SAMD5: variants seen among roughly 807,000 people sequenced by gnomAD.
The protein encoded by SAMD5 is sterile alpha motif domain containing 5.
A neutral mutation model predicts 11.3 loss-of-function variants in SAMD5; 13 were observed. The ratio of observed to expected loss-of-function variants is 1.15; its 90% CI spans 0.75 to 1.83. The LOEUF (loss-of-function observed/expected upper bound fraction) is 1.83, where lower values mean the gene tolerates loss of function less well. Among genes scored for constraint, SAMD5 ranks in the 40% most tolerant of loss-of-function variants. SAMD5 has a pLI of 0.00. For synonymous variants in SAMD5, 129 were observed against 111.3 expected, an observed-to-expected ratio of 1.16 and a Z score of -1.00; for missense variants, 255 against 239.1, an observed-to-expected ratio of 1.07 and a Z score of -0.44.
At chr6:147,641,332 C>G (rs1239188752) in intron 1 of SAMD5, among the ~76,000 whole-genome samples, 2 of 152,122 alleles carry the variant, frequency 1.3e-5, no homozygotes, top group East Asian at 3.9e-4. Context: ...TGCTGGGGAG[C>G]TCAATTTGGG....
chr6:147,633,485 C>G (rs900407946), intron 1 of SAMD5, among the ~76,000 whole-genome samples: 1 of 152,092 alleles, frequency 6.6e-6, no homozygotes, highest in Non-Finnish European at 1.5e-5. Flanking sequence ...CACACTAGCA[C>G]AGTCTAGCAT....
chr6:147,566,615 A>G lies in SAMD5; in HGVS notation c.*2159A>G, dbSNP rs541643733. 5 of 980,150 alleles carry G rather than the reference A, an allele frequency of 5.1e-6. No homozygotes were observed. In the South Asian group the frequency reaches 2.4e-4, roughly 46 times the overall value. The allele number at this position is 980,150 out of a possible 1,614,324, so 60.7% of individuals were successfully genotyped here. A position where few individuals can be genotyped will look rare whatever the true frequency, so the allele number is the denominator to read the frequency against. On this transcript the variant is annotated 3_prime_UTR_variant, in exon 2 of 2. Transcript: ENST00000367474. ...TTCTATTAGAGTAATATCTAACTTC[A>G]ATTATTTTGCCAGGTTTAAACCTTC...
intron 1 of SAMD5, among the ~76,000 whole-genome samples, chr6:147,619,336 T>C (rs73787331): frequency 0.018 from 2,763 of 152,282 alleles, 91 homozygotes; most frequent in African/African-American, 0.063. Context: ...TAGAAATGCA[T>C]TGGGTTATTT....
intron 1 of SAMD5, among the ~76,000 whole-genome samples, chr6:147,539,702 GAA>G (rs201641945): frequency 2.3e-5 from 3 of 128,900 alleles, no homozygotes; most frequent in Non-Finnish European, 3.3e-5. Context: ...GTGGCAAGAT[GAA>G]AAAAAAAAAA....
intron 1 of SAMD5, among the ~76,000 whole-genome samples, chr6:147,576,976 A>G (rs1470123149): frequency 6.6e-6 from 1 of 152,250 alleles, no homozygotes; most frequent in Non-Finnish European, 1.5e-5. Context: ...TGGAATAAAA[A>G]TAACTTTCTA....
At chr6:147,930,210 C>A in the SAMD5 span, among the ~76,000 whole-genome samples, 1 of 152,138 alleles carries the variant, frequency 6.6e-6, no homozygotes, top group Non-Finnish European at 1.5e-5. Flanking sequence ...CCATCTGATA[C>A]CTCCTCTGCA....
intron 1 of SAMD5, among the ~76,000 whole-genome samples, chr6:147,683,672 A>T (rs1371557753): frequency 6.6e-6 from 1 of 152,204 alleles, no homozygotes; most frequent in Non-Finnish European, 1.5e-5. Flanking sequence ...AGAGAAGCAT[A>T]TGATGACAAA....
the SAMD5 span, among the ~76,000 whole-genome samples, chr6:147,752,522 T>C: frequency 2.0e-5 from 3 of 152,298 alleles, no homozygotes; most frequent in African/African-American, 7.2e-5. Flanking sequence ...CTGGTATTGA[T>C]AGAGATATTT....
chr6:147,725,265 T>G (rs1791608917), intron 1 of SAMD5, among the ~76,000 whole-genome samples: 1 of 152,194 alleles, frequency 6.6e-6, no homozygotes, highest in Non-Finnish European at 1.5e-5. Context: ...ACTAGCTGAT[T>G]GATGGTTGTT....
the SAMD5 span, chr6:147,954,035 G>A: frequency 6.6e-6 from 1 of 152,140 alleles, no homozygotes; most frequent in East Asian, 1.9e-4. Flanking sequence ...TGTTAACAGA[G>A]TTAAGCTACC....
At chr6:147,547,896 C>A (rs1343725752) in intron 1 of SAMD5, among the ~76,000 whole-genome samples, 1 of 152,162 alleles carries the variant, frequency 6.6e-6, no homozygotes, top group Non-Finnish European at 1.5e-5. Flanking sequence ...AGAAATCTTT[C>A]TTCAACAAGA....
At chr6:147,825,529 A>G in the SAMD5 span, among the ~76,000 whole-genome samples, 3 of 152,206 alleles carry the variant, frequency 2.0e-5, no homozygotes, top group African/African-American at 7.2e-5. Flanking sequence ...AATATTCCAG[A>G]TGGCACATTT....
the SAMD5 span, among the ~76,000 whole-genome samples, chr6:147,799,985 A>G: frequency 6.6e-6 from 1 of 151,912 alleles, no homozygotes; most frequent in South Asian, 2.1e-4. Flanking sequence ...TTTTTGTCAA[A>G]GTTTTCAACT....
At chr6:147,682,599 G>T (rs539070539) in intron 1 of SAMD5, among the ~76,000 whole-genome samples, 2 of 152,162 alleles carry the variant, frequency 1.3e-5, no homozygotes, top group Admixed American at 1.3e-4. Flanking sequence ...AAGCCAAGCC[G>T]TGCAACTTTC....
the SAMD5 span, among the ~76,000 whole-genome samples, chr6:147,746,071 T>A: frequency 7.2e-5 from 11 of 152,176 alleles, no homozygotes; most frequent in African/African-American, 2.7e-4. Flanking sequence ...CTGAGCTTCA[T>A]TTCGCCTGTA....
At chr6:147,643,175 G>T (rs1374890702) in intron 1 of SAMD5, among the ~76,000 whole-genome samples, 1 of 152,138 alleles carries the variant, frequency 6.6e-6, no homozygotes, top group African/African-American at 2.4e-5. Context: ...GAATCAGAAA[G>T]GTGATGTTTC....
At chr6:147,787,885 C>T in the SAMD5 span, among the ~76,000 whole-genome samples, 62 of 152,304 alleles carry the variant, frequency 4.1e-4, no homozygotes, top group African/African-American at 1.3e-3. Context: ...AGCTCCGTAG[C>T]GCCAAGGCTC....
the SAMD5 span, among the ~76,000 whole-genome samples, chr6:147,933,000 A>G: frequency 3.9e-5 from 6 of 152,178 alleles, no homozygotes; most frequent in Non-Finnish European, 8.8e-5. Context: ...GGCAAGCAAG[A>G]TCTAAACCAG....
intron 1 of SAMD5, among the ~76,000 whole-genome samples, chr6:147,656,899 CGTGTGTGTGTGTGTGTGT>C (rs55906300): frequency 2.7e-5 from 4 of 149,062 alleles, no homozygotes; most frequent in East Asian, 2.0e-4. Flanking sequence ...ATACAGTATA[CGTGTGTGTGTGTGTGTGT>C]GTGTGTGTGT....
Sources: allele counts gnomAD v4.1 joint callset (sites outside exome capture counted in the v4.1 genomes callset), GRCh38; gene constraint gnomAD v4.1.1; transcripts MANE v1.5; gene names NCBI Gene and HGNC (gene_info 2026-07-23, HGNC 2026-07-21).